KLHL29: variants seen among roughly 807,000 people sequenced by gnomAD.
The protein encoded by KLHL29 is kelch-like protein 29.
A neutral mutation model predicts 80.4 loss-of-function variants in KLHL29; 21 were observed. That is an observed-to-expected ratio of 0.26 (90% CI 0.19 to 0.38). The LOEUF (loss-of-function observed/expected upper bound fraction) is 0.38, where lower values mean the gene tolerates loss of function less well. KLHL29 is among the 10% of genes least tolerant of loss of function. The pLI is 1.00. For synonymous variants in KLHL29, 511 were observed against 526.8 expected (o/e 0.97, Z 0.41); for missense variants, 867 against 1,223.9 (o/e 0.71, Z 4.35).
intron 3 of KLHL29, among the ~76,000 whole-genome samples, chr2:23,593,748 G>T (rs1362786785): frequency 6.6e-6 from 1 of 152,212 alleles, no homozygotes; most frequent in Non-Finnish European, 1.5e-5. Flanking sequence ...CCCTCCCAGG[G>T]GCTGCCCTTA....
At chr2:23,638,282 T>G (rs984433765) in intron 3 of KLHL29, among the ~76,000 whole-genome samples, 41 of 152,188 alleles carry the variant, frequency 2.7e-4, no homozygotes, top group African/African-American at 9.7e-4. Context: ...TTAAACATTA[T>G]GATGTAAGCA....
rs368441064 is a variant in KLHL29 at position 23,385,580 on chromosome 2, A to C, written c.-354A>C. 32 of 162,586 alleles carry C rather than the reference A, an allele frequency of 2.0e-4. No individual in the cohort carries two copies. The highest frequency in any genetic ancestry group is 7.8e-4 in the South Asian group (4 of 5,138). 10.1% of individuals were successfully genotyped at this position (162,586 alleles called of 1,614,324 possible). A position where few individuals can be genotyped will look rare whatever the true frequency, so the allele number is the denominator to read the frequency against. ...GGCTGCCGGGAGGCGGCGGCGGCGGAGGAGGAGGAGGAACGAGGGGAGAAG... is the reference window on the plus strand; with the variant it reads ...GGCTGCCGGGAGGCGGCGGCGGCGGCGGAGGAGGAGGAACGAGGGGAGAAG... On this transcript the variant is annotated 5_prime_UTR_variant, in exon 1 of 14. Coordinates refer to ENST00000486442, the MANE Select transcript of KLHL29 (RefSeq NM_052920.2).
At chr2:23,431,730 A>G (rs1329606937) in intron 1 of KLHL29, among the ~76,000 whole-genome samples, 3 of 152,072 alleles carry the variant, frequency 2.0e-5, no homozygotes, top group African/African-American at 7.2e-5. Context: ...CGTCTCTACT[A>G]AAAGTACAAA....
At chr2:23,604,266 G>GCTGATTTT (rs1668648583) in intron 3 of KLHL29, among the ~76,000 whole-genome samples, 2 of 102,512 alleles carry the variant, frequency 2.0e-5, no homozygotes, top group Admixed American at 9.1e-5. Context: ...ACCACGCCTG[G>GCTGATTTT]CTGTATTTTT....
intron 2 of KLHL29, among the ~76,000 whole-genome samples, chr2:23,488,993 C>T (rs74722200): frequency 0.063 from 9,539 of 152,258 alleles, 415 homozygotes; most frequent in Non-Finnish European, 0.095. Flanking sequence ...TACTACAGCC[C>T]ATCAGGACAG....
chr2:23,701,738 C>T (rs1672381327), intron 11 of KLHL29, among the ~76,000 whole-genome samples: 1 of 151,692 alleles, frequency 6.6e-6, no homozygotes, highest in Non-Finnish European at 1.5e-5. Context: ...CCTTCACCCA[C>T]TGCACTCTAG....
intron 2 of KLHL29, among the ~76,000 whole-genome samples, chr2:23,546,648 C>T (rs893257609): frequency 3.3e-5 from 5 of 152,134 alleles, no homozygotes; most frequent in African/African-American, 1.2e-4. Flanking sequence ...AGGCTTCTCC[C>T]CCTCTCCCGG....
chr2:23,492,270 C>T (rs1028288683), intron 2 of KLHL29, among the ~76,000 whole-genome samples: 9 of 152,218 alleles, frequency 5.9e-5, no homozygotes, highest in African/African-American at 2.2e-4. Context: ...CCTTGACCTC[C>T]TCCCAAGGCT....
At chr2:23,410,822 G>A (rs953909022) in intron 1 of KLHL29, among the ~76,000 whole-genome samples, 4 of 152,016 alleles carry the variant, frequency 2.6e-5, no homozygotes, top group Non-Finnish European at 5.9e-5. Flanking sequence ...GAAACCACAC[G>A]TCTAAAGCGT....
At chr2:23,451,747 G>A (rs1219015923) in intron 1 of KLHL29, among the ~76,000 whole-genome samples, 3 of 152,216 alleles carry the variant, frequency 2.0e-5, no homozygotes, top group Admixed American at 6.5e-5. Context: ...AGGGATCAAC[G>A]TTGACCCAGA....
At chr2:23,398,194 A>G (rs894670614) in intron 1 of KLHL29, among the ~76,000 whole-genome samples, 1 of 152,274 alleles carries the variant, frequency 6.6e-6, no homozygotes, top group African/African-American at 2.4e-5. Flanking sequence ...ACAATAGCCA[A>G]AAGGTAGAAG....
At chr2:23,480,621 C>T (rs1664774618) in intron 2 of KLHL29, among the ~76,000 whole-genome samples, 1 of 152,206 alleles carries the variant, frequency 6.6e-6, no homozygotes, top group Non-Finnish European at 1.5e-5. Context: ...TACCAAGTTC[C>T]TGAATTCTAT....
intron 5 of KLHL29, among the ~76,000 whole-genome samples, chr2:23,679,331 C>T (rs920343443): frequency 1.3e-5 from 2 of 152,194 alleles, no homozygotes; most frequent in African/African-American, 4.8e-5. Context: ...GGTCTAAATG[C>T]CTCATCTGGG....
chr2:23,405,639 C>G (rs747434127), intron 1 of KLHL29, among the ~76,000 whole-genome samples: 2 of 152,192 alleles, frequency 1.3e-5, no homozygotes, highest in Non-Finnish European at 2.9e-5. Flanking sequence ...GGCACCAGTT[C>G]TGCAAGCTCA....
chr2:23,626,891 G>A (rs1451052891), intron 3 of KLHL29, among the ~76,000 whole-genome samples: 1 of 152,196 alleles, frequency 6.6e-6, no homozygotes, highest in East Asian at 1.9e-4. Context: ...CATCAGTGGA[G>A]GGCATTTGTC....
chr2:23,532,509 T>G, intron 2 of KLHL29: 1 of 452,972 alleles, frequency 2.2e-6, no homozygotes, highest in South Asian at 1.6e-5. Flanking sequence ...CTTTGTGGGA[T>G]GTGCATCGCC....
At chr2:23,394,187 A>C (rs972975009) in intron 1 of KLHL29, among the ~76,000 whole-genome samples, 1 of 152,192 alleles carries the variant, frequency 6.6e-6, no homozygotes, top group African/African-American at 2.4e-5. Context: ...AAAACAAAAA[A>C]CAAAAACAAT....
chr2:23,559,365 C>T (rs1015122990), intron 2 of KLHL29, among the ~76,000 whole-genome samples: 14 of 152,144 alleles, frequency 9.2e-5, no homozygotes, highest in Non-Finnish European at 1.9e-4. Flanking sequence ...GTGTCATGAT[C>T]ATATTTGCCC....
chr2:23,385,191 G>A lies in KLHL29; in HGVS notation c.-743G>A, dbSNP rs1396056164. Reference sequence around the variant, plus strand: ...TCGCAGCTAAAGCAGACGGTACCCGGAGCGGAGCGAGCCAGAAGGGAGCAT... The same window carrying A: ...TCGCAGCTAAAGCAGACGGTACCCGAAGCGGAGCGAGCCAGAAGGGAGCAT... On this transcript the variant is annotated 5_prime_UTR_variant, in exon 1 of 14. Coordinates refer to ENST00000486442, the MANE Select transcript of KLHL29 (RefSeq NM_052920.2). 1.4e-5 allele frequency: 2 copies of A among 147,478 alleles called. No individual in the cohort carries two copies. The highest frequency in any genetic ancestry group is 6.8e-5 in the Admixed American group (1 of 14,788). The allele number at this position is 147,478 out of a possible 1,614,324, so 9.1% of individuals were successfully genotyped here. A position where few individuals can be genotyped will look rare whatever the true frequency, so the allele number is the denominator to read the frequency against.
Sources: allele counts gnomAD v4.1 joint callset (sites outside exome capture counted in the v4.1 genomes callset), GRCh38; gene constraint gnomAD v4.1.1; transcripts MANE v1.5; gene names NCBI Gene and HGNC (gene_info 2026-07-23, HGNC 2026-07-21).